SLC5A4: variants seen among roughly 807,000 people sequenced by gnomAD.
The protein encoded by SLC5A4 is solute carrier family 5 member 4, also known as probable glucose sensor protein SLC5A4.
In SLC5A4, 55 loss-of-function variants were observed where a neutral mutation model predicts 70.3. The ratio of observed to expected loss-of-function variants is 0.78; its 90% CI spans 0.63 to 0.98. The LOEUF (loss-of-function observed/expected upper bound fraction) is 0.98, where lower values mean the gene tolerates loss of function less well. SLC5A4 is among the 50% of genes least tolerant of loss of function. SLC5A4 has a pLI of 0.00. For missense variants in SLC5A4, 735 were observed against 839.2 expected (o/e 0.88, Z 1.53); for synonymous variants, 268 against 305.7 (o/e 0.88, Z 1.29).
At chr22:32,252,685 C>T (rs1016689314) in intron 2 of SLC5A4, among the ~76,000 whole-genome samples, 1 of 152,168 alleles carries the variant, frequency 6.6e-6, no homozygotes, top group Non-Finnish European at 1.5e-5. Flanking sequence ...TTGAGCCTGT[C>T]CTTGGCCAAG....
chr22:32,284,150 AG>A, the SLC5A4 span, among the ~76,000 whole-genome samples: 1 of 152,222 alleles, frequency 6.6e-6, no homozygotes, highest in Non-Finnish European at 1.5e-5. Flanking sequence ...GAGGGAGAAA[AG>A]GAAGCCAAGC....
the SLC5A4 span, among the ~76,000 whole-genome samples, chr22:32,301,829 ATAATT>A: frequency 0.054 from 6,104 of 113,886 alleles, 298 homozygotes; most frequent in Admixed American, 0.19. Flanking sequence ...TCAAAGGAAC[ATAATT>A]TAAAGTACAA....
intron 12 of SLC5A4, among the ~76,000 whole-genome samples, chr22:32,224,987 A>G (rs1925309105): frequency 6.6e-6 from 1 of 152,144 alleles, no homozygotes; most frequent in Non-Finnish European, 1.5e-5. Flanking sequence ...ATGGAGATTA[A>G]TGGTATGAGC....
rs773595218 is a variant in SLC5A4 at position 32,255,323 on chromosome 22, T to C, written c.7A>G (p.Ser3Gly). The C allele has an allele frequency of 1.2e-6, 2 of 1,614,030 alleles. No individual in the cohort carries two copies. Among genetic ancestry groups the C allele is most frequent in the Non-Finnish European group, 1.7e-6 (2 of 1,180,014 alleles). Residue 3 changes from serine to glycine, a missense_variant, in exon 1 of 15, where the codon AGT (serine) becomes GGT (glycine). Transcript: ENST00000266086. The part of the protein sequence containing the change: MA[S>G]TVSPSTIAET... ...GCTATGGTGCTGGGGCTAACCGTAC[T>C]GGCCATGGCTGCAGGCAGTGCTATA...
At chr22:32,347,771 C>T in the SLC5A4 span, among the ~76,000 whole-genome samples, 2 of 151,448 alleles carry the variant, frequency 1.3e-5, no homozygotes, top group East Asian at 1.9e-4. Flanking sequence ...CGAGTTAATG[C>T]GTGCAGCACA....
chr22:32,269,186 C>T, the SLC5A4 span, among the ~76,000 whole-genome samples: 64 of 152,268 alleles, frequency 4.2e-4, 1 homozygote, highest in African/African-American at 1.4e-3. The surrounding 1 kb of genome is among the most constrained non-coding windows in gnomAD (Gnocchi z 4.1). Flanking sequence ...CCACCACGAG[C>T]GGCTGCATGT....
chr22:32,231,174 G>T, intron 9 of SLC5A4, 99 bp from the exon 10 acceptor site: 1 of 746,140 alleles, frequency 1.3e-6, no homozygotes, highest in Non-Finnish European at 2.4e-6. Flanking sequence ...AGGAAGGAAA[G>T]ACATTTGCCT....
At chr22:32,332,510 G>T in the SLC5A4 span, among the ~76,000 whole-genome samples, 4 of 152,226 alleles carry the variant, frequency 2.6e-5, no homozygotes, top group African/African-American at 9.6e-5. Flanking sequence ...GCCATGGAAA[G>T]CTGTGGATGC....
At chr22:32,236,211 C>T (rs1465667913) in intron 7 of SLC5A4, among the ~76,000 whole-genome samples, 2 of 152,152 alleles carry the variant, frequency 1.3e-5, no homozygotes, top group Admixed American at 6.5e-5. Flanking sequence ...AGAAATGTTC[C>T]GTATCCATGC....
the SLC5A4 span, among the ~76,000 whole-genome samples, chr22:32,344,377 T>C: frequency 6.6e-6 from 1 of 152,170 alleles, no homozygotes; most frequent in Non-Finnish European, 1.5e-5. Context: ...TCATTCCACA[T>C]GTCCCCAGCT....
chr22:32,350,454 ATAATT>A, the SLC5A4 span, among the ~76,000 whole-genome samples: 1 of 152,190 alleles, frequency 6.6e-6, no homozygotes, highest in African/African-American at 2.4e-5. Context: ...CTACAGCTAT[ATAATT>A]TAACAATTTT....
intron 12 of SLC5A4, 77 bp downstream of exon 12, chr22:32,225,578 G>A (rs752093292): frequency 2.3e-5 from 20 of 872,436 alleles, no homozygotes; most frequent in Non-Finnish European, 3.1e-5. Context: ...GAGAAAGAAT[G>A]TATTTTGATA....
intron 1 of SLC5A4, among the ~76,000 whole-genome samples, chr22:32,254,727 C>T (rs1927372602): frequency 2.0e-5 from 3 of 151,914 alleles, no homozygotes; most frequent in Non-Finnish European, 2.9e-5. Flanking sequence ...TGGCGTGAAC[C>T]CAGGAGGCGG....
the SLC5A4 span, among the ~76,000 whole-genome samples, chr22:32,351,598 A>T: frequency 1.3e-5 from 2 of 149,278 alleles, no homozygotes; most frequent in African/African-American, 5.0e-5. Context: ...GCTACTCAAG[A>T]GGCTGAGGCA....
the SLC5A4 span, among the ~76,000 whole-genome samples, chr22:32,343,690 T>G: frequency 6.6e-6 from 1 of 152,198 alleles, no homozygotes; most frequent in Non-Finnish European, 1.5e-5. Flanking sequence ...CTACCCAAAC[T>G]TTTCAAGGCT....
chr22:32,305,153 T>C, the SLC5A4 span, among the ~76,000 whole-genome samples: 3 of 152,010 alleles, frequency 2.0e-5, no homozygotes, highest in African/African-American at 7.3e-5. Context: ...ATTTGGGTTA[T>C]TATGTACTTT....
At position 32,218,525 on chromosome 22, in the gene SLC5A4, A is replaced by G. The variant is rs751224867; in HGVS notation, c.1969T>C (p.Tyr657His). Reference sequence around the variant, plus strand: ...GGCTCAGATAGAGTTCAGGCATAGTAGCCGTGAATAAAGACCACCACAGCC... The same window carrying G: ...GGCTCAGATAGAGTTCAGGCATAGTGGCCGTGAATAAAGACCACCACAGCC... ...LLAVVVFIHG[Y>H]YA The change falls in exon 15 of 15, where the codon TAC (tyrosine) becomes CAC (histidine). Residue 657 changes from tyrosine (Y) to histidine (H), a missense_variant. Coordinates refer to ENST00000266086, the MANE Select transcript of SLC5A4 (RefSeq NM_014227.3). The G allele has an allele frequency of 6.2e-7, 1 of 1,608,694 alleles. No homozygotes were observed. Among genetic ancestry groups the G allele is most frequent in the South Asian group, 1.1e-5 (1 of 90,928 alleles).
the SLC5A4 span, among the ~76,000 whole-genome samples, chr22:32,319,464 C>CA: frequency 1.4e-4 from 22 of 152,240 alleles, no homozygotes; most frequent in Non-Finnish European, 2.8e-4. Context: ...TCCTGGGTCT[C>CA]AGGCCCTCGA....
intron 7 of SLC5A4, 87 bp downstream of exon 7, chr22:32,237,157 G>A: frequency 1.2e-6 from 1 of 862,720 alleles, no homozygotes; most frequent in Non-Finnish European, 1.9e-6. Flanking sequence ...GAACTGGAAG[G>A]CATCCCAATA....
Sources: gnomAD v4.1 joint callset for allele counts (sites outside exome capture counted in the v4.1 genomes callset) on GRCh38, gnomAD v4.1.1 for gene constraint, Gnocchi (gnomAD v3.1) non-coding constraint, MANE v1.5 for transcripts, NCBI Gene and HGNC (gene_info 2026-07-23, HGNC 2026-07-21) for gene names.